PCDHA6: variants seen among roughly 807,000 people sequenced by gnomAD.
The protein encoded by PCDHA6 is protocadherin alpha-6.
Under a neutral mutation model 60.3 loss-of-function variants are expected in PCDHA6, and 55 were observed. The observed-to-expected ratio is 0.91, with a 90% CI of 0.73 to 1.14. The LOEUF is 1.14. Among genes scored for constraint, PCDHA6 ranks in the 50% most tolerant of loss-of-function variants. The pLI is 0.00. For missense variants in PCDHA6, 1,327 were observed against 1,256.5 expected, an observed-to-expected ratio of 1.06 and a Z score of -0.85; for synonymous variants, 652 against 557.9, an observed-to-expected ratio of 1.17 and a Z score of -2.38.
chr5:140,842,521 C>G lies in PCDHA6; in HGVS notation c.2394+12036C>G, dbSNP rs144333530. ...ATGTCCCCTTCAAGCTGGTGTCCAC[C>G]TTCAAGAATTACTACTCGTTGGTGC... On this transcript the variant is annotated intron_variant, in intron 1 of 3. Coordinates refer to ENST00000529310, the MANE Select transcript of PCDHA6 (RefSeq NM_018909.4). 5.7e-4 allele frequency: 916 copies of G among 1,613,508 alleles called. 20 individuals are homozygous for G. Among genetic ancestry groups the G allele is most frequent in the Non-Finnish European group, 7.4e-4 (868 of 1,179,496 alleles).
At chr5:140,882,332 G>A (rs782439110) in intron 1 of PCDHA6, 1 of 1,614,178 alleles carries the variant, frequency 6.2e-7, no homozygotes, top group Non-Finnish European at 8.5e-7. Flanking sequence ...TCTGATCCTC[G>A]CAGCCTGGGA....
intron 3 of PCDHA6, among the ~76,000 whole-genome samples, chr5:141,000,522 G>A (rs1294045842): frequency 4.2e-5 from 6 of 143,688 alleles, no homozygotes; most frequent in African/African-American, 1.6e-4. Context: ...CCTTCTCCAG[G>A]GTTCAAGTGA....
At position 140,829,969 on chromosome 5, in the gene PCDHA6, G is replaced by A. The variant is rs144012634; in HGVS notation, c.1878G>A (p.Leu626=). The A allele has an allele frequency of 1.9e-4, 306 of 1,614,010 alleles. 1 individual carries two copies. The African/African-American group carries it at 3.5e-3, about 18-fold the overall frequency. Residue 626 remains leucine, a synonymous_variant, in exon 1 of 4, where the codon CTG becomes CTA. Coordinates refer to ENST00000529310, the MANE Select transcript of PCDHA6 (RefSeq NM_018909.4). The stretch of plus-strand genomic sequence containing the variant: ...CTCGCTTCCCGTTTCGCGTGGGGCT[G>A]TACACGGGCGAGATCAGCACCACTC... ...SSARFPFRVG[L]YTGEISTTRV...
At chr5:140,877,403 G>C (rs199806507) in intron 1 of PCDHA6, 1 of 1,613,770 alleles carries the variant, frequency 6.2e-7, no homozygotes, top group Non-Finnish European at 8.5e-7. Context: ...GACGCTCCGC[G>C]CCACCGCCTG....
intron 1 of PCDHA6, among the ~76,000 whole-genome samples, chr5:140,890,513 C>T (rs1376774987): frequency 2.0e-5 from 3 of 151,948 alleles, no homozygotes; most frequent in Non-Finnish European, 4.4e-5. Flanking sequence ...GTCTCTATTT[C>T]CTTCCTTTGT....
chr5:140,983,754 A>T (rs2097065978), intron 3 of PCDHA6, among the ~76,000 whole-genome samples: 3 of 152,210 alleles, frequency 2.0e-5, no homozygotes. Flanking sequence ...AATCCATTCA[A>T]ATTCAAATAC....
At chr5:140,989,996 A>G (rs1554251207) in intron 3 of PCDHA6, among the ~76,000 whole-genome samples, 1 of 152,144 alleles carries the variant, frequency 6.6e-6, no homozygotes, top group Non-Finnish European at 1.5e-5. Context: ...GAAATTGTCT[A>G]TCTCCAAGGG....
intron 1 of PCDHA6, chr5:140,871,001 C>T (rs2052611705): frequency 1.9e-6 from 3 of 1,613,292 alleles, no homozygotes; most frequent in Admixed American, 1.7e-5. Flanking sequence ...ATAAGCACAA[C>T]GCGTGCCCTG....
chr5:140,875,783 T>C (rs782000038), intron 1 of PCDHA6: 4 of 1,614,050 alleles, frequency 2.5e-6, no homozygotes, highest in Non-Finnish European at 3.4e-6. Flanking sequence ...GAGTGCAGTA[T>C]CCACCTGGAG....
chr5:140,836,437 G>A (rs1447681112), intron 1 of PCDHA6: 1 of 1,613,724 alleles, frequency 6.2e-7, no homozygotes, highest in African/African-American at 1.3e-5. Flanking sequence ...GCATCGTTGG[G>A]CATTGCAGGC....
intron 1 of PCDHA6, chr5:140,928,975 T>C (rs2085693610): frequency 1.9e-6 from 3 of 1,613,806 alleles, no homozygotes; most frequent in African/African-American, 1.3e-5. Context: ...TTCCTTTTTA[T>C]TTCTGGGGTG....
chr5:140,857,951 G>T (rs569786768), intron 1 of PCDHA6: 15 of 1,597,274 alleles, frequency 9.4e-6, no homozygotes, highest in East Asian at 2.2e-5. Flanking sequence ...TACGACGCGC[G>T]CTCTGGATGA....
chr5:140,834,339 C>T, intron 1 of PCDHA6: 1 of 1,501,080 alleles, frequency 6.7e-7, no homozygotes, highest in Non-Finnish European at 9.0e-7. Context: ...CCTATAAATT[C>T]GAAGGCAAGT....
intron 1 of PCDHA6, chr5:140,857,619 A>C (rs1554150364): frequency 6.3e-7 from 1 of 1,596,352 alleles, no homozygotes; most frequent in South Asian, 1.1e-5. Flanking sequence ...CCGCTGGACC[A>C]CGAGGAGCTG....
At chr5:140,946,287 A>G (rs1484519782) in intron 1 of PCDHA6, among the ~76,000 whole-genome samples, 1 of 152,032 alleles carries the variant, frequency 6.6e-6, no homozygotes, top group African/African-American at 2.4e-5. Flanking sequence ...ATGAGATATC[A>G]CCTCACACCT....
At chr5:140,881,075 G>A (rs2058577107) in intron 1 of PCDHA6, among the ~76,000 whole-genome samples, 1 of 152,202 alleles carries the variant, frequency 6.6e-6, no homozygotes, top group African/African-American at 2.4e-5. Context: ...AATTATTGGA[G>A]CTATGATATA....
chr5:140,852,909 C>T lies in PCDHA6; in HGVS notation c.2394+22424C>T, dbSNP rs2150524759. On this transcript the variant is annotated intron_variant, in intron 1 of 3. Transcript: ENST00000529310. ...TATTTTTTTTTTTGAGTCAGAGTCTCGCTCTGTTGCCCAGGCTGGAGTGCA... is the reference window on the plus strand; with the variant it reads ...TATTTTTTTTTTTGAGTCAGAGTCTTGCTCTGTTGCCCAGGCTGGAGTGCA... The T allele has an allele frequency of 5.3e-4, 419 of 797,890 alleles. 9 individuals carry two copies. The South Asian group carries it at 0.02, about 38-fold the overall frequency. The allele number at this position is 797,890 out of a possible 1,614,324, so 49.4% of individuals were successfully genotyped here.
intron 1 of PCDHA6, among the ~76,000 whole-genome samples, chr5:140,831,917 A>T (rs2150198247): frequency 0.034 from 5,232 of 152,270 alleles, 320 homozygotes; most frequent in African/African-American, 0.12. Flanking sequence ...TGCTTAAAAA[A>T]TTTGCTACTA....
chr5:140,979,303 C>T (rs1048294748), intron 2 of PCDHA6, among the ~76,000 whole-genome samples: 5 of 152,148 alleles, frequency 3.3e-5, no homozygotes, highest in East Asian at 3.8e-4. Context: ...CTCCTTCATC[C>T]CTCTCTACCT....
Sources: allele counts gnomAD v4.1 joint callset (sites outside exome capture counted in the v4.1 genomes callset), GRCh38; gene constraint gnomAD v4.1.1; transcripts MANE v1.5; gene names NCBI Gene and HGNC (gene_info 2026-07-23, HGNC 2026-07-21).